The following TRIM44 variants were observed in gnomAD, a reference collection of about 807,000 sequenced individuals.
TRIM44 encodes the protein tripartite motif containing 44.
In TRIM44, 13 loss-of-function variants were observed where a neutral mutation model predicts 37.4. The observed-to-expected ratio is 0.35, with a 90% CI of 0.23 to 0.55. The LOEUF (loss-of-function observed/expected upper bound fraction) is 0.55, where lower values mean the gene tolerates loss of function less well. Among genes scored for constraint, TRIM44 ranks in the 20% least tolerant of loss-of-function variants. TRIM44 has a pLI of 0.89. For missense variants in TRIM44, 426 were observed against 437.2 expected, an observed-to-expected ratio of 0.97 and a Z score of 0.23; for synonymous variants, 175 against 157.2, an observed-to-expected ratio of 1.11 and a Z score of -0.85.
intron 4 of TRIM44, among the ~76,000 whole-genome samples, chr11:35,792,111 A>ACACACACACACTCTCTCTCT (rs796092540): frequency 8.7e-6 from 1 of 114,366 alleles, no homozygotes; most frequent in East Asian, 2.4e-4. Context: ...ACACACACAC[A>ACACACACACACTCTCTCTCT]CTCTCTCTCA....
intron 4 of TRIM44, among the ~76,000 whole-genome samples, chr11:35,756,554 T>C (rs1852644041): frequency 6.6e-6 from 1 of 151,948 alleles, no homozygotes; most frequent in Non-Finnish European, 1.5e-5. Context: ...TGAATAGGAG[T>C]GGTGAGAGAG....
intron 4 of TRIM44, among the ~76,000 whole-genome samples, chr11:35,799,853 A>C (rs589100): frequency 0.97 from 148,330 of 152,236 alleles, 72,336 homozygotes; most frequent in East Asian, 1. Flanking sequence ...AAATAGAACC[A>C]GAACTAGAGA....
At chr11:35,782,384 G>A (rs970953408) in intron 4 of TRIM44, among the ~76,000 whole-genome samples, 2 of 152,146 alleles carry the variant, frequency 1.3e-5, no homozygotes. Context: ...CATTGTATTA[G>A]TTAGAATTGT....
intron 4 of TRIM44, among the ~76,000 whole-genome samples, chr11:35,779,838 C>G (rs1276544904): frequency 6.7e-6 from 1 of 148,698 alleles, no homozygotes; most frequent in Non-Finnish European, 1.5e-5. Flanking sequence ...ATCCCAACAC[C>G]ATTTATTGAA....
intron 4 of TRIM44, among the ~76,000 whole-genome samples, chr11:35,755,887 A>G (rs900333377): frequency 6.6e-6 from 1 of 152,148 alleles, no homozygotes; most frequent in African/African-American, 2.4e-5. Flanking sequence ...TACCAGTACC[A>G]TGCTGTTTTG....
At chr11:35,771,452 A>G (rs1367118459) in intron 4 of TRIM44, among the ~76,000 whole-genome samples, 1 of 152,172 alleles carries the variant, frequency 6.6e-6, no homozygotes, top group African/African-American at 2.4e-5. Context: ...TTGGATGCGC[A>G]CGGTGGCTCA....
intron 4 of TRIM44, among the ~76,000 whole-genome samples, chr11:35,755,564 C>T (rs1314105212): frequency 5.9e-5 from 9 of 152,260 alleles, no homozygotes; most frequent in African/African-American, 2.2e-4. Context: ...GTGTTTTAGA[C>T]ATGAAGTCCT....
rs986824369 is a variant in TRIM44 at position 35,811,107 on chromosome 11, C to T, written c.*4722C>T. ...CCCTGCAAGGTGTAAATATTTATGA[C>T]GAGCTGCATACTTGACTGTGGTAAT... On this transcript the variant is annotated 3_prime_UTR_variant, in exon 5 of 5. Transcript: ENST00000299413. 6.6e-6 allele frequency: 1 copy of T among 152,068 alleles called. No homozygotes were observed. Among genetic ancestry groups the T allele is most frequent in the African/African-American group, 2.4e-5 (1 of 41,410 alleles). The allele number at this position is 152,068 out of a possible 1,614,324, so 9.4% of individuals were successfully genotyped here.
intron 2 of TRIM44, among the ~76,000 whole-genome samples, chr11:35,721,092 T>C (rs1276319804): frequency 3.3e-5 from 5 of 151,952 alleles, no homozygotes. Flanking sequence ...TTAGTAGAAG[T>C]GGGTTTTCAC....
At chr11:35,760,995 T>A (rs1006805996) in intron 4 of TRIM44, among the ~76,000 whole-genome samples, 1 of 152,204 alleles carries the variant, frequency 6.6e-6, no homozygotes, top group African/African-American at 2.4e-5. Context: ...TCTCTCTACT[T>A]CTGTAAGATC....
Position 35,742,734 on chromosome 11 carries a change from A to C in TRIM44, c.1007+7289A>C, listed in dbSNP as rs1047301702. Among the ~76,000 whole-genome samples the C allele has an allele frequency of 2.8e-3, 381 of 137,668 alleles. 2 individuals carry two copies. Among genetic ancestry groups the C allele is most frequent in the African/African-American group, 9.7e-3 (356 of 36,802 alleles). The allele number at this position is 137,668 out of a possible 152,430, so 90.3% of individuals were successfully genotyped here. On this transcript the variant is annotated intron_variant, in intron 4 of 4. Transcript: ENST00000299413. ...ACTATATTAAATATAATTATATTAA[A>C]TATAATTATATTAATGTTATATGTT...
At chr11:35,765,529 C>T (rs1852786129) in intron 4 of TRIM44, among the ~76,000 whole-genome samples, 1 of 152,164 alleles carries the variant, frequency 6.6e-6, no homozygotes, top group Admixed American at 6.5e-5. Flanking sequence ...ATGGTAAGCT[C>T]TGTTAGTTAC....
At chr11:35,701,782 T>A (rs1264642479) in intron 2 of TRIM44, among the ~76,000 whole-genome samples, 3 of 152,204 alleles carry the variant, frequency 2.0e-5, no homozygotes, top group Non-Finnish European at 4.4e-5. Context: ...CAGAATTCTT[T>A]TTTTGTATTA....
chr11:35,690,160 A>G (rs1426420930), intron 2 of TRIM44, among the ~76,000 whole-genome samples: 2 of 152,120 alleles, frequency 1.3e-5, no homozygotes, highest in African/African-American at 2.4e-5. Context: ...TGTTTCCTCT[A>G]GCCTCTAGAG....
intron 1 of TRIM44, among the ~76,000 whole-genome samples, chr11:35,668,904 A>C (rs968855363): frequency 1.3e-5 from 2 of 152,152 alleles, no homozygotes; most frequent in Non-Finnish European, 2.9e-5. Context: ...TGCTAGTATA[A>C]ATTTGTGAAT....
At position 35,809,294 on chromosome 11, in the gene TRIM44, C is replaced by T. The variant is rs551229184; in HGVS notation, c.*2909C>T. ...GGAAATACTCAAGCCAAATCTTGAA[C>T]GCAGCTCCCCCTAATTCTGTGGACA... On this transcript the variant is annotated 3_prime_UTR_variant, in exon 5 of 5. Transcript: ENST00000299413. The T allele has an allele frequency of 1.1e-4, 16 of 152,276 alleles. No homozygotes were observed. Among genetic ancestry groups the T allele is most frequent in the African/African-American group, 3.4e-4 (14 of 41,558 alleles). The allele number at this position is 152,276 out of a possible 1,614,324, so 9.4% of individuals were successfully genotyped here. A position where few individuals can be genotyped will look rare whatever the true frequency, so the allele number is the denominator to read the frequency against.
chr11:35,785,467 A>G (rs776592770), intron 4 of TRIM44, among the ~76,000 whole-genome samples: 6 of 152,264 alleles, frequency 3.9e-5, no homozygotes, highest in Admixed American at 1.3e-4. Flanking sequence ...GACAGAGCAC[A>G]AAAGACAGAT....
At chr11:35,695,238 G>A (rs1371004523) in intron 2 of TRIM44, among the ~76,000 whole-genome samples, 3 of 152,054 alleles carry the variant, frequency 2.0e-5, no homozygotes, top group African/African-American at 7.2e-5. Context: ...GCCCATCCTC[G>A]TTCTCCATGA....
At chr11:35,731,985 A>G (rs1454049144) in intron 3 of TRIM44, among the ~76,000 whole-genome samples, 5 of 152,190 alleles carry the variant, frequency 3.3e-5, no homozygotes, top group Admixed American at 6.5e-5. Flanking sequence ...CAGACTGTCT[A>G]TAGTGAGGGT....
Sources: allele counts gnomAD v4.1 joint callset (sites outside exome capture counted in the v4.1 genomes callset), GRCh38; gene constraint gnomAD v4.1.1; transcripts MANE v1.5; gene names NCBI Gene and HGNC (gene_info 2026-07-23, HGNC 2026-07-21).